CSMD1: variants seen among roughly 807,000 people sequenced by gnomAD.
The protein encoded by CSMD1 is CUB and Sushi multiple domains 1, also known as CUB and sushi domain-containing protein 1.
Under a neutral mutation model 417.5 loss-of-function variants are expected in CSMD1, and 213 were observed. That is an observed-to-expected ratio of 0.51 (90% CI 0.46 to 0.57). The LOEUF is 0.57. Ranked by LOEUF, CSMD1 falls within the 20% of genes least tolerant of loss-of-function variation. The pLI is 0.00. For missense variants in CSMD1, 6,923 were observed against 4,529.7 expected, an observed-to-expected ratio of 1.53 and a Z score of -15.17; for synonymous variants, 2,862 against 1,736.8, an observed-to-expected ratio of 1.65 and a Z score of -16.11.
intron 7 of CSMD1, among the ~76,000 whole-genome samples, chr8:3,661,925 G>A (rs548932849): frequency 1.4e-4 from 22 of 152,292 alleles, no homozygotes; most frequent in Non-Finnish European, 3.2e-4. Context: ...TTATAGCAAA[G>A]AGGAGTAAGA....
chr8:4,119,051 C>T (rs191397271), intron 3 of CSMD1, among the ~76,000 whole-genome samples: 40 of 152,102 alleles, frequency 2.6e-4, no homozygotes, highest in African/African-American at 7.5e-4. Context: ...TGAGAACACA[C>T]GGACACAGGG....
chr8:3,994,482 C>G (rs1003726140), intron 5 of CSMD1, among the ~76,000 whole-genome samples: 2 of 147,406 alleles, frequency 1.4e-5, no homozygotes, highest in African/African-American at 5.0e-5. Flanking sequence ...CTTGGCTAGT[C>G]TCACCACTAC....
chr8:3,649,574 G>A (rs753731383), intron 7 of CSMD1, among the ~76,000 whole-genome samples: 1 of 152,060 alleles, frequency 6.6e-6, no homozygotes, highest in Non-Finnish European at 1.5e-5. Flanking sequence ...TGTGCAAAGT[G>A]GGGAGAGCCT....
intron 10 of CSMD1, among the ~76,000 whole-genome samples, chr8:3,514,319 T>C (rs1797198962): frequency 6.6e-6 from 1 of 152,138 alleles, no homozygotes; most frequent in Non-Finnish European, 1.5e-5. Context: ...AGTAGATATT[T>C]TTGGCTAGGT....
chr8:3,535,429 C>G (rs1798155544), intron 10 of CSMD1, among the ~76,000 whole-genome samples: 1 of 152,138 alleles, frequency 6.6e-6, no homozygotes, highest in Admixed American at 6.5e-5. Context: ...GGGGTCTTCC[C>G]TCCGGTTCCA....
intron 11 of CSMD1, 137 bp downstream of exon 11, chr8:3,493,486 A>C (rs1796223547): frequency 1.6e-6 from 1 of 607,938 alleles, no homozygotes. Flanking sequence ...ATGAGATTGC[A>C]GGCCACTACA....
intron 3 of CSMD1, among the ~76,000 whole-genome samples, chr8:4,366,144 G>T (rs865922747): frequency 3.9e-5 from 6 of 152,008 alleles, no homozygotes; most frequent in Admixed American, 2.6e-4. Flanking sequence ...TGTCTTCAGT[G>T]TTTCACTCCC....
intron 3 of CSMD1, among the ~76,000 whole-genome samples, chr8:4,100,534 T>A (rs968290546): frequency 5.3e-5 from 8 of 152,194 alleles, no homozygotes; most frequent in African/African-American, 7.2e-5. Context: ...CTTATAGAAG[T>A]GTTGAAGGAT....
intron 10 of CSMD1, among the ~76,000 whole-genome samples, chr8:3,543,670 G>C (rs769868845): frequency 1.1e-4 from 17 of 152,040 alleles, no homozygotes; most frequent in Non-Finnish European, 2.1e-4. Flanking sequence ...TTTCTAAGAA[G>C]AAAAGAGTGT....
chr8:4,296,129 TAAG>T (rs1277318678), intron 3 of CSMD1, among the ~76,000 whole-genome samples: 2 of 151,992 alleles, frequency 1.3e-5, no homozygotes, highest in African/African-American at 2.4e-5. Flanking sequence ...AAAACCACAA[TAAG>T]AAGCGAAAAT....
At position 3,612,375 on chromosome 8, in the gene CSMD1, T is replaced by G. The variant is rs114302500; in HGVS notation, c.1097+4335A>C. ...TTTTAGTAGATGATTTAGATAAATCTCTCTCAATCACAGATCTGACAAGTG... is the reference window on the plus strand; with the variant it reads ...TTTTAGTAGATGATTTAGATAAATCGCTCTCAATCACAGATCTGACAAGTG... On this transcript the variant is annotated intron_variant, in intron 8 of 69. Coordinates refer to ENST00000635120, the MANE Select transcript of CSMD1 (RefSeq NM_033225.6). Among the ~76,000 whole-genome samples, 984 of 151,924 alleles carry G rather than the reference T, an allele frequency of 6.5e-3. 8 individuals are homozygous for G. The highest frequency in any genetic ancestry group is 0.023 in the African/African-American group (950 of 41,532).
At chr8:3,622,525 C>G (rs1796304197) in intron 7 of CSMD1, among the ~76,000 whole-genome samples, 2 of 152,162 alleles carry the variant, frequency 1.3e-5, no homozygotes, top group African/African-American at 4.8e-5. Context: ...GGCAAAAACA[C>G]TCTGGATCTT....
At chr8:3,207,146 A>T (rs1453058886) in intron 30 of CSMD1, among the ~76,000 whole-genome samples, 1,095 of 86,930 alleles carry the variant, frequency 0.013, 5 homozygotes, top group African/African-American at 0.024. Flanking sequence ...TTTTTTTTTC[A>T]TTTTCTTTTT....
intron 2 of CSMD1, among the ~76,000 whole-genome samples, chr8:4,590,911 A>G (rs1200290746): frequency 6.6e-6 from 1 of 152,228 alleles, no homozygotes; most frequent in Non-Finnish European, 1.5e-5. Flanking sequence ...GTGATACAAC[A>G]ATGCTCTCAG....
At chr8:2,960,328 C>G (rs1354282240) in intron 62 of CSMD1, among the ~76,000 whole-genome samples, 1 of 152,208 alleles carries the variant, frequency 6.6e-6, no homozygotes, top group Non-Finnish European at 1.5e-5. Flanking sequence ...GAAATGGCCA[C>G]TCTGTGTCCG....
At chr8:4,015,772 T>G (rs1387661571) in intron 4 of CSMD1, among the ~76,000 whole-genome samples, 6 of 151,986 alleles carry the variant, frequency 3.9e-5, no homozygotes, top group African/African-American at 1.5e-4. Flanking sequence ...ATACTTATCT[T>G]AAATGTATGT....
At chr8:3,978,163 G>C (rs1813584874) in intron 5 of CSMD1, among the ~76,000 whole-genome samples, 1 of 152,276 alleles carries the variant, frequency 6.6e-6, no homozygotes, top group South Asian at 2.1e-4. Flanking sequence ...TCTCGAGTGA[G>C]GAAACAGCCT....
chr8:3,979,396 C>G (rs901429391), intron 5 of CSMD1, among the ~76,000 whole-genome samples: 6 of 152,144 alleles, frequency 3.9e-5, no homozygotes, highest in Admixed American at 3.3e-4. Flanking sequence ...ATCAGCGCAG[C>G]TACAGAGGCT....
chr8:4,119,312 A>G (rs1043389906), intron 3 of CSMD1, among the ~76,000 whole-genome samples: 2 of 152,188 alleles, frequency 1.3e-5, no homozygotes, highest in Non-Finnish European at 2.9e-5. Context: ...TCAACAGGCA[A>G]ATTACTAATC....
Sources: gnomAD v4.1 joint callset for allele counts (sites outside exome capture counted in the v4.1 genomes callset) on GRCh38, gnomAD v4.1.1 for gene constraint, MANE v1.5 for transcripts, NCBI Gene and HGNC (gene_info 2026-07-23, HGNC 2026-07-21) for gene names.